The following HDAC9 variants were observed in gnomAD, a reference collection of about 807,000 sequenced individuals.
HDAC9 encodes the protein MEF-2 interacting transcription repressor (MITR) protein.
HDAC9 carries 41 observed loss-of-function variants against 139.4 expected under a neutral mutation model. The observed-to-expected ratio is 0.29, with a 90% CI of 0.23 to 0.38. HDAC9 has a LOEUF of 0.38. Ranked by LOEUF, HDAC9 falls within the 10% of genes least tolerant of loss-of-function variation. HDAC9 has a pLI of 1.00. For missense variants in HDAC9, 1,147 were observed against 1,297.0 expected (o/e 0.88, Z 1.78); for synonymous variants, 517 against 476.2 (o/e 1.09, Z -1.12).
At chr7:18,640,842 G>A (rs943529574) in intron 8 of HDAC9, among the ~76,000 whole-genome samples, 12 of 151,978 alleles carry the variant, frequency 7.9e-5, no homozygotes, top group South Asian at 4.1e-4. Flanking sequence ...CTGATGCCCC[G>A]AGGTAGATGT....
intron 17 of HDAC9, among the ~76,000 whole-genome samples, chr7:18,805,032 A>G (rs1379466414): frequency 6.6e-6 from 1 of 152,152 alleles, no homozygotes; most frequent in African/African-American, 2.4e-5. Context: ...CTGAGCTCAA[A>G]AAGATCTGCC....
chr7:18,889,366 C>T (rs141784295), intron 22 of HDAC9, among the ~76,000 whole-genome samples: 22 of 152,090 alleles, frequency 1.4e-4, no homozygotes, highest in African/African-American at 4.8e-4. Context: ...CTATGTGTCC[C>T]CAGGGGCTAA....
At chr7:18,183,361 C>A (rs180732342) in intron 2 of HDAC9, among the ~76,000 whole-genome samples, 1 of 152,160 alleles carries the variant, frequency 6.6e-6, no homozygotes, top group Non-Finnish European at 1.5e-5. Context: ...GCAAATGAAC[C>A]AATCCCTCAA....
rs181671248 is a variant in HDAC9 at position 18,109,496 on chromosome 7, A to G, written c.-97+22283A>G. Among the ~76,000 whole-genome samples, 26 of 152,310 alleles carry G rather than the reference A, an allele frequency of 1.7e-4. No homozygotes were observed. The East Asian group carries it at 3.1e-3, about 18-fold the overall frequency. ...ACAACATCTGCAAGAAAAAAGGATT[A>G]TGACATTAAAAGAATTTGAGAAATC... On this transcript the variant is annotated intron_variant, in intron 1 of 12. Coordinates refer to the HDAC9 transcript ENST00000417496.
At chr7:18,692,552 T>C (rs1782745223) in intron 12 of HDAC9, among the ~76,000 whole-genome samples, 2 of 152,140 alleles carry the variant, frequency 1.3e-5, no homozygotes, top group African/African-American at 4.8e-5. Context: ...TTTCTGTGCA[T>C]TTGAGAAAAA....
intron 2 of HDAC9, among the ~76,000 whole-genome samples, chr7:18,244,521 A>G (rs1794389896): frequency 6.6e-6 from 1 of 152,166 alleles, no homozygotes; most frequent in Admixed American, 6.5e-5. Flanking sequence ...TGTTGCGGCT[A>G]GGCGTGCTGG....
chr7:18,498,478 A>G lies in HDAC9; in HGVS notation c.22+2154A>G, dbSNP rs1465501371. Among the ~76,000 whole-genome samples the G allele has an allele frequency of 3.3e-5, 5 of 152,106 alleles. No homozygotes were observed. In the East Asian group the frequency reaches 7.7e-4, roughly 23 times the overall value. On this transcript the variant is annotated intron_variant, in intron 2 of 25. Coordinates refer to ENST00000686413, the MANE Select transcript of HDAC9 (RefSeq NM_178425.4). The stretch of plus-strand genomic sequence containing the variant: ...CAGATGGTGATGCTGGTGAACCACT[A>G]TCAGTAGGGTTTGTCCTTTGAGCTA...
intron 6 of HDAC9, among the ~76,000 whole-genome samples, chr7:18,600,926 C>T (rs1371802247): frequency 6.6e-6 from 1 of 152,138 alleles, no homozygotes; most frequent in African/African-American, 2.4e-5. Flanking sequence ...CCTCAGCCTC[C>T]TGAGTAGCTT....
At chr7:18,367,799 A>T (rs1324813131) in intron 1 of HDAC9, among the ~76,000 whole-genome samples, 1 of 152,126 alleles carries the variant, frequency 6.6e-6, no homozygotes, top group Non-Finnish European at 1.5e-5. Context: ...TATGCCCATC[A>T]GCAGCCTATG....
At chr7:18,789,002 G>T (rs575771451) in intron 16 of HDAC9, among the ~76,000 whole-genome samples, 137 of 152,042 alleles carry the variant, frequency 9.0e-4, no homozygotes, top group African/African-American at 3.2e-3. Flanking sequence ...GGTTGTCACA[G>T]GTAGAAGGGG....
chr7:18,564,845 T>A (rs1251658755), intron 2 of HDAC9, among the ~76,000 whole-genome samples: 1 of 152,138 alleles, frequency 6.6e-6, no homozygotes, highest in Non-Finnish European at 1.5e-5. Context: ...ATCTTTGGGC[T>A]TCCACTGTTT....
At chr7:18,792,797 TA>T (rs955201572) in intron 16 of HDAC9, among the ~76,000 whole-genome samples, 1 of 152,230 alleles carries the variant, frequency 6.6e-6, no homozygotes, top group African/African-American at 2.4e-5. Flanking sequence ...TCCTTCCATT[TA>T]GTTGGAGAAC....
rs558193579 is a variant in HDAC9, at chr7:18,234,690, C to G, written c.25+72341C>G. Among the ~76,000 whole-genome samples the G allele has an allele frequency of 8.5e-5, 13 of 152,208 alleles. No homozygotes were observed. The South Asian group carries it at 2.5e-3, about 29-fold the overall frequency. The stretch of plus-strand genomic sequence containing the variant: ...ACCAGCATGTCCTATTGTTTTTTGC[C>G]TAACATTTGCTGACAGCTTGTCAAG... On this transcript the variant is annotated intron_variant, in intron 2 of 12. Transcript: ENST00000417496.
intron 2 of HDAC9, among the ~76,000 whole-genome samples, chr7:18,268,283 G>A (rs1107693): frequency 0.38 from 58,478 of 151,944 alleles, 12,652 homozygotes; most frequent in Admixed American, 0.51. Flanking sequence ...CACACATACA[G>A]TCGATACATA....
intron 2 of HDAC9, among the ~76,000 whole-genome samples, chr7:18,514,932 T>G (rs922728227): frequency 3.9e-5 from 6 of 152,116 alleles, no homozygotes; most frequent in African/African-American, 1.4e-4. Context: ...GGATGACACA[T>G]AAGACCCTGT....
intron 1 of HDAC9, among the ~76,000 whole-genome samples, chr7:18,138,566 A>G (rs945312923): frequency 2.0e-5 from 2 of 102,166 alleles, no homozygotes; most frequent in Non-Finnish European, 4.8e-5. Flanking sequence ...GTGTGTGTGC[A>G]CATGCTCATT....
chr7:18,586,612 ATCT>A (rs370489716), intron 3 of HDAC9, among the ~76,000 whole-genome samples: 3,456 of 152,198 alleles, frequency 0.023, 108 homozygotes, highest in African/African-American at 0.078. Flanking sequence ...TAAAAATGCT[ATCT>A]TCTTCTCTAT....
chr7:18,353,268 AT>A (rs35737603), intron 1 of HDAC9, among the ~76,000 whole-genome samples: 44 of 149,018 alleles, frequency 3.0e-4, no homozygotes, highest in South Asian at 1.1e-3. Flanking sequence ...TAATATTGGG[AT>A]TTTTTTTTTT....
chr7:18,666,554 A>G, intron 12 of HDAC9, 78 bp downstream of exon 12: 1 of 1,540,150 alleles, frequency 6.5e-7, no homozygotes, highest in Admixed American at 2.0e-5. Flanking sequence ...AGGTTTGGTA[A>G]ATGGATATGA....
Sources: gnomAD v4.1 joint callset for allele counts (sites outside exome capture counted in the v4.1 genomes callset) on GRCh38, gnomAD v4.1.1 for gene constraint, MANE v1.5 for transcripts, NCBI Gene and HGNC (gene_info 2026-07-23, HGNC 2026-07-21) for gene names.